Variants in CLIC4 observed in about 807,000 individuals in gnomAD.
CLIC4 encodes the protein chloride intracellular channel protein 4.
A neutral mutation model predicts 24.6 loss-of-function variants in CLIC4; 13 were observed. The observed-to-expected ratio is 0.53, with a 90% CI of 0.34 to 0.84. The LOEUF is 0.84. Among genes scored for constraint, CLIC4 ranks in the 40% least tolerant of loss-of-function variants. CLIC4 has a pLI of 0.01. For missense variants in CLIC4, 227 were observed against 301.7 expected (o/e 0.75, Z 1.83); for synonymous variants, 104 against 111.3 (o/e 0.93, Z 0.41).
intron 1 of CLIC4, among the ~76,000 whole-genome samples, chr1:24,778,405 T>G (rs2124109746): frequency 6.6e-6 from 1 of 152,338 alleles, no homozygotes; most frequent in Middle Eastern, 3.4e-3. Flanking sequence ...ACTCAATACA[T>G]AGTAGCTTTT....
intron 4 of CLIC4, among the ~76,000 whole-genome samples, chr1:24,827,544 T>G (rs1004496309): frequency 1.8e-3 from 2 of 1,136 alleles, no homozygotes; most frequent in East Asian, 0.17. Context: ...AGTCTGAGGT[T>G]TTTTTTTTTT....
intron 1 of CLIC4, among the ~76,000 whole-genome samples, chr1:24,782,636 T>C (rs1212069851): frequency 1.3e-5 from 2 of 152,178 alleles, no homozygotes; most frequent in African/African-American, 4.8e-5. Context: ...GGAAACTAGA[T>C]TAATAATTTA....
chr1:24,775,244 T>C (rs12750035), intron 1 of CLIC4, among the ~76,000 whole-genome samples: 1 of 112,678 alleles, frequency 8.9e-6, no homozygotes, highest in Non-Finnish European at 2.0e-5. Flanking sequence ...TTTTTTTTTT[T>C]GCTTTTCATT....
At chr1:24,763,316 G>A (rs1319062228) in intron 1 of CLIC4, among the ~76,000 whole-genome samples, 1 of 152,084 alleles carries the variant, frequency 6.6e-6, no homozygotes, top group African/African-American at 2.4e-5. Flanking sequence ...GTGGTGGGCA[G>A]ATCATCTGAA....
intron 1 of CLIC4, among the ~76,000 whole-genome samples, chr1:24,782,915 G>A (rs1639221972): frequency 6.6e-6 from 1 of 152,084 alleles, no homozygotes; most frequent in African/African-American, 2.4e-5. Context: ...GAGAGTTCAA[G>A]GCTGCAGTGA....
At chr1:24,806,069 G>A (rs1025484945) in intron 2 of CLIC4, among the ~76,000 whole-genome samples, 2 of 152,186 alleles carry the variant, frequency 1.3e-5, no homozygotes, top group Admixed American at 6.6e-5. Flanking sequence ...TTGATGTCAC[G>A]TAAGGGAAAT....
At chr1:24,788,169 G>A (rs545703713) in intron 1 of CLIC4, among the ~76,000 whole-genome samples, 1 of 151,764 alleles carries the variant, frequency 6.6e-6, no homozygotes, top group East Asian at 1.9e-4. Context: ...GTATTTTTTA[G>A]TAGAAATGGG....
intron 2 of CLIC4, among the ~76,000 whole-genome samples, chr1:24,811,947 TG>T (rs1350372274): frequency 6.6e-6 from 1 of 152,212 alleles, no homozygotes; most frequent in Non-Finnish European, 1.5e-5. Context: ...AAACACTTCT[TG>T]CTGTTAGTAG....
chr1:24,767,602 C>A (rs1402933285), intron 1 of CLIC4, among the ~76,000 whole-genome samples: 1 of 152,162 alleles, frequency 6.6e-6, no homozygotes, highest in Non-Finnish European at 1.5e-5. Flanking sequence ...TTGACACTTA[C>A]TAGGTAACTA....
intron 1 of CLIC4, 106 bp from the exon 2 acceptor site, chr1:24,797,636 A>C (rs952652124): frequency 7.1e-6 from 5 of 700,306 alleles, no homozygotes; most frequent in Non-Finnish European, 1.2e-5. Context: ...TCCACAATGT[A>C]ACTTTTCCTG....
chr1:24,824,467 C>T (rs1050822624), intron 3 of CLIC4, among the ~76,000 whole-genome samples: 1 of 152,054 alleles, frequency 6.6e-6, no homozygotes, highest in Non-Finnish European at 1.5e-5. Context: ...AGAGTTTTGC[C>T]ATGTTGGCCA....
chr1:24,823,880 A>G (rs1639760447), intron 3 of CLIC4, among the ~76,000 whole-genome samples: 1 of 152,202 alleles, frequency 6.6e-6, no homozygotes, highest in African/African-American at 2.4e-5. Context: ...ATCTTTCCTA[A>G]AAGCATGGAA....
chr1:24,843,313 A>G lies in CLIC4; in HGVS notation c.*2376A>G, dbSNP rs1180049786. The G allele has an allele frequency of 1.3e-5, 2 of 152,252 alleles. No individual in the cohort carries two copies. Among genetic ancestry groups the G allele is most frequent in the African/African-American group, 2.4e-5 (1 of 41,480 alleles). The allele number at this position is 152,252 out of a possible 1,614,324, so 9.4% of individuals were successfully genotyped here. A position where few individuals can be genotyped will look rare whatever the true frequency, so the allele number is the denominator to read the frequency against. On this transcript the variant is annotated 3_prime_UTR_variant, in exon 6 of 6. Transcript: ENST00000374379. The stretch of plus-strand genomic sequence containing the variant: ...CCCATTGTATGTTTGTGGAAAGAGC[A>G]TAGTTTAACATCTTGAGAAATTTGG...
chr1:24,798,986 G>A (rs1449765676), intron 2 of CLIC4, among the ~76,000 whole-genome samples: 3 of 152,238 alleles, frequency 2.0e-5, no homozygotes, highest in East Asian at 1.9e-4. Context: ...GCGTGATCTC[G>A]GCTCGCTGCA....
At chr1:24,759,493 A>G (rs1394144189) in intron 1 of CLIC4, among the ~76,000 whole-genome samples, 1 of 151,364 alleles carries the variant, frequency 6.6e-6, no homozygotes, top group African/African-American at 2.4e-5. Flanking sequence ...TGTCTCATGC[A>G]CTTTTTTATT....
intron 1 of CLIC4, among the ~76,000 whole-genome samples, chr1:24,747,026 C>T (rs566004346): frequency 4.6e-5 from 7 of 151,820 alleles, no homozygotes; most frequent in Non-Finnish European, 1.0e-4. Context: ...TCTGCATTTA[C>T]CTCTGCAGTC....
intron 1 of CLIC4, among the ~76,000 whole-genome samples, chr1:24,788,982 T>C (rs557658944): frequency 8.5e-5 from 13 of 152,340 alleles, no homozygotes; most frequent in Admixed American, 7.8e-4. Context: ...CTGAATTGGG[T>C]GGCCTAGACT....
intron 3 of CLIC4, 29 bp downstream of exon 3, chr1:24,814,248 A>C (rs756672047): frequency 6.3e-7 from 1 of 1,597,066 alleles, no homozygotes; most frequent in Admixed American, 1.8e-5. Context: ...ACGTATGAAA[A>C]TATTGTCACT....
intron 1 of CLIC4, among the ~76,000 whole-genome samples, chr1:24,748,100 T>C (rs1268493854): frequency 6.6e-6 from 1 of 152,028 alleles, no homozygotes; most frequent in African/African-American, 2.4e-5. Flanking sequence ...TTGGAGGAGC[T>C]AATCAAAGAA....
Sources: allele counts gnomAD v4.1 joint callset (sites outside exome capture counted in the v4.1 genomes callset), GRCh38; gene constraint gnomAD v4.1.1; transcripts MANE v1.5; gene names NCBI Gene and HGNC (gene_info 2026-07-23, HGNC 2026-07-21).